USP34: variants seen among roughly 807,000 people sequenced by gnomAD.
USP34 encodes ubiquitin specific peptidase 34, also known as ubiquitin carboxyl-terminal hydrolase 34.
In USP34, 70 loss-of-function variants were observed where a neutral mutation model predicts 460.3. The observed-to-expected ratio is 0.15, with a 90% CI of 0.13 to 0.19. The LOEUF (loss-of-function observed/expected upper bound fraction) is 0.19, where lower values mean the gene tolerates loss of function less well. Ranked by LOEUF, USP34 falls within the 10% of genes least tolerant of loss-of-function variation. The pLI, the probability that USP34 is intolerant of heterozygous loss-of-function variation, is 1.00. For missense variants in USP34, 3,985 were observed against 4,236.2 expected (o/e 0.94, Z 1.65); for synonymous variants, 1,647 against 1,405.3 (o/e 1.17, Z -3.85).
At chr2:61,314,029 T>TC (rs1690672876) in intron 25 of USP34, among the ~76,000 whole-genome samples, 2 of 152,104 alleles carry the variant, frequency 1.3e-5, no homozygotes, top group Non-Finnish European at 2.9e-5. Context: ...TATTCATAAA[T>TC]ATTAATTTGC....
At chr2:61,204,476 C>T in intron 73 of USP34, 21 bp downstream of exon 73, 1 of 1,612,594 alleles carries the variant, frequency 6.2e-7, no homozygotes, top group Non-Finnish European at 8.5e-7. Flanking sequence ...TATTGAAGTA[C>T]TGTGCTAGAT....
intron 5 of USP34, among the ~76,000 whole-genome samples, chr2:61,391,493 T>G (rs1336854918): frequency 6.6e-6 from 1 of 152,130 alleles, no homozygotes; most frequent in Non-Finnish European, 1.5e-5. Flanking sequence ...GCCACAAAAG[T>G]GATTTATGAG....
intron 3 of USP34, among the ~76,000 whole-genome samples, chr2:61,395,457 T>C (rs544314029): frequency 1.3e-5 from 2 of 152,286 alleles, no homozygotes; most frequent in South Asian, 4.1e-4. Flanking sequence ...TACTACACAC[T>C]ATTTTGCCTT....
chr2:61,214,942 T>A (rs1202898176), intron 67 of USP34, among the ~76,000 whole-genome samples: 1 of 152,218 alleles, frequency 6.6e-6, no homozygotes, highest in Non-Finnish European at 1.5e-5. Context: ...AAACCACTTT[T>A]CTTTAGCTTG....
rs762149576 is a variant in USP34, at chr2:61,229,595, C to T, written c.7152G>A (p.Leu2384=). The change falls in exon 59 of 80, where the codon CTG becomes CTA. Residue 2384 remains leucine (L), a synonymous_variant. Coordinates refer to ENST00000398571, the MANE Select transcript of USP34 (RefSeq NM_014709.4). ...AATAGAGATGAGCATGCACAGGTCT[C>T]AGCCTCTGAATCACATGGATACACA... The part of the protein sequence containing the change: ...QRLCIHVIQR[L]RPVHAHLYLQ... 6.2e-7 allele frequency: 1 copy of T among 1,612,590 alleles called. No individual in the cohort carries two copies.
intron 22 of USP34, among the ~76,000 whole-genome samples, chr2:61,318,187 T>C (rs1372949708): frequency 2.0e-5 from 2 of 98,906 alleles, no homozygotes; most frequent in Non-Finnish European, 4.2e-5. Context: ...AGCAAGCCCA[T>C]CTCAAAAAAA....
chr2:61,287,478 C>T lies in USP34; in HGVS notation c.4749+1199G>A, dbSNP rs183284419. ...GACCCTTGAACAACACAGGTCTGAA[C>T]TGCACAGATCCACTTGTATCTGGGT... On this transcript the variant is annotated intron_variant, in intron 34 of 79. Transcript: ENST00000398571. Among the ~76,000 whole-genome samples, 15 of 152,314 alleles carry T rather than the reference C, an allele frequency of 9.8e-5. No individual in the cohort carries two copies. In the East Asian group the frequency reaches 2.9e-3, roughly 29 times the overall value.
chr2:61,318,396 A>G (rs1024975623), intron 22 of USP34, among the ~76,000 whole-genome samples: 1 of 152,162 alleles, frequency 6.6e-6, no homozygotes, highest in Non-Finnish European at 1.5e-5. Context: ...AGTTTTTGTT[A>G]AAGTCAGAGG....
chr2:61,427,189 G>A (rs1023666953), intron 1 of USP34, among the ~76,000 whole-genome samples: 18 of 152,078 alleles, frequency 1.2e-4, no homozygotes, highest in Admixed American at 7.2e-4. Flanking sequence ...CACCACGCCC[G>A]GCTAATTTTT....
intron 62 of USP34, among the ~76,000 whole-genome samples, chr2:61,226,381 A>G (rs1435349948): frequency 6.6e-6 from 1 of 152,242 alleles, no homozygotes; most frequent in Admixed American, 6.5e-5. Context: ...AATGCATTTT[A>G]GCAAATGGGT....
chr2:61,357,862 T>C (rs920938315), intron 10 of USP34, among the ~76,000 whole-genome samples: 1 of 152,020 alleles, frequency 6.6e-6, no homozygotes, highest in Non-Finnish European at 1.5e-5. Flanking sequence ...ATACTCCAGC[T>C]TGGGCAACAG....
At chr2:61,402,271 C>T (rs374417313) in intron 3 of USP34, among the ~76,000 whole-genome samples, 1 of 152,006 alleles carries the variant, frequency 6.6e-6, no homozygotes, top group Non-Finnish European at 1.5e-5. Flanking sequence ...CAGAGCAAGA[C>T]CCTGTCTCTT....
At position 61,319,155 on chromosome 2, in the gene USP34, T is replaced by A. The variant is rs772042319; in HGVS notation, c.3168+18A>T. 2 of 1,536,332 alleles carry A rather than the reference T, an allele frequency of 1.3e-6. No individual in the cohort carries two copies. The highest frequency in any genetic ancestry group is 4.9e-5 in the East Asian group (2 of 40,864). ...GGAACATGGAAAAATAATAACAAAC[T>A]GAGAGAAATGTAATTACCTTCTCCA... On this transcript the variant is annotated intron_variant, in intron 22 of 79. Transcript: ENST00000398571.
At chr2:61,340,254 T>G (rs1691549754) in intron 16 of USP34, among the ~76,000 whole-genome samples, 1 of 152,212 alleles carries the variant, frequency 6.6e-6, no homozygotes, top group African/African-American at 2.4e-5. Flanking sequence ...ACCCTTAACA[T>G]TCAAATTAAA....
At chr2:61,397,086 T>A (rs375362928) in intron 3 of USP34, among the ~76,000 whole-genome samples, 1 of 152,076 alleles carries the variant, frequency 6.6e-6, no homozygotes, top group African/African-American at 2.4e-5. Flanking sequence ...GAGAAGAGAA[T>A]GAAGAAAAAA....
intron 10 of USP34, among the ~76,000 whole-genome samples, chr2:61,360,168 T>TA (rs79962550): frequency 0.16 from 24,433 of 152,094 alleles, 2,305 homozygotes; most frequent in South Asian, 0.36. Context: ...GCCCCAGTAT[T>TA]ACCACTCCTA....
intron 1 of USP34, among the ~76,000 whole-genome samples, chr2:61,421,690 G>A (rs1325884446): frequency 6.6e-6 from 1 of 152,158 alleles, no homozygotes; most frequent in African/African-American, 2.4e-5. Flanking sequence ...GTGAGGAGGG[G>A]AAATCCCCTA....
intron 3 of USP34, among the ~76,000 whole-genome samples, chr2:61,400,554 A>G (rs1693685343): frequency 6.6e-6 from 1 of 152,162 alleles, no homozygotes; most frequent in African/African-American, 2.4e-5. Context: ...GTATTATTCT[A>G]AAAAATACTA....
Position 61,415,589 on chromosome 2 carries a change from G to A in USP34, c.131+5157C>T, listed in dbSNP as rs567991510. Among the ~76,000 whole-genome samples the A allele has an allele frequency of 9.6e-4, 146 of 152,256 alleles. 1 individual carries two copies. Among genetic ancestry groups the A allele is most frequent in the African/African-American group, 3.5e-3 (145 of 41,562 alleles). On this transcript the variant is annotated intron_variant, in intron 2 of 79. Coordinates refer to ENST00000398571, the MANE Select transcript of USP34 (RefSeq NM_014709.4). ...ACAGCAATATAAGAAGAGTGTTTCA[G>A]AATACTGTATAGAGGTTAATATCAA...
Sources: allele counts gnomAD v4.1 joint callset (sites outside exome capture counted in the v4.1 genomes callset), GRCh38; gene constraint gnomAD v4.1.1; transcripts MANE v1.5; gene names NCBI Gene and HGNC (gene_info 2026-07-23, HGNC 2026-07-21).